The following AKAP11 variants were observed in gnomAD, a reference collection of about 807,000 sequenced individuals.
AKAP11 encodes the protein A-kinase anchor protein 11.
In AKAP11, 36 loss-of-function variants were observed where a neutral mutation model predicts 146.1. The ratio of observed to expected loss-of-function variants is 0.25; its 90% CI spans 0.19 to 0.33. The LOEUF is 0.33. AKAP11 is among the 10% of genes least tolerant of loss of function. The probability of loss-of-function intolerance (pLI) is 1.00; values close to 1 mark genes in which losing one functional copy is unlikely to be tolerated. For synonymous variants in AKAP11, 780 were observed against 786.5 expected, an observed-to-expected ratio of 0.99 and a Z score of 0.14; for missense variants, 2,201 against 2,197.0, an observed-to-expected ratio of 1.00 and a Z score of -0.04.
rs1960075446 is a variant in AKAP11, at chr13:42,303,473, C to T, written c.4727C>T (p.Ala1576Val). 1 of 1,614,176 alleles carries T rather than the reference C, an allele frequency of 6.2e-7. No homozygotes were observed. The highest frequency in any genetic ancestry group is 8.5e-7 in the Non-Finnish European group (1 of 1,180,018). Residue 1576 changes from alanine to valine, a missense_variant, in exon 8 of 13, where the codon GCA (alanine) becomes GTA (valine). Physicochemically the swap from Ala to Val is moderately conservative, Grantham distance 64. Coordinates refer to ENST00000025301, the MANE Select transcript of AKAP11 (RefSeq NM_016248.4). ...AAATCAGCAGACAGGGTCACTTATG[C>T]AGAAAAGTTGTCACCTCTTACAGGT... ...TTKSADRVTY[A>V]EKLSPLTGQA...
chr13:42,300,660 A>G lies in AKAP11; in HGVS notation c.1914A>G (p.Ile638Met), dbSNP rs747211037. Reference sequence around the variant, plus strand: ...ATTTACAGTATGTAAAGAAGCAGATATTCACAAACACAGTTGCTAGGTTTG... The same window carrying G: ...ATTTACAGTATGTAAAGAAGCAGATGTTCACAAACACAGTTGCTAGGTTTG... Reference protein sequence around the residue: ...LKDLQYVKKQIFTNTVARFAA... With the variant: ...LKDLQYVKKQMFTNTVARFAA... The change falls in exon 8 of 13, where the codon ATA becomes ATG. Residue 638 changes from isoleucine (I) to methionine (M), a missense_variant. Coordinates refer to ENST00000025301, the MANE Select transcript of AKAP11 (RefSeq NM_016248.4). The G allele has an allele frequency of 9.3e-6, 15 of 1,614,020 alleles. No homozygotes were observed. The South Asian group carries it at 9.9e-5, about 11-fold the overall frequency.
At position 42,303,676 on chromosome 13, in the gene AKAP11, C is replaced by G; in HGVS notation, c.4930C>G (p.Leu1644Val). The G allele has an allele frequency of 6.2e-7, 1 of 1,614,140 alleles. No homozygotes were observed. The highest frequency in any genetic ancestry group is 8.5e-7 in the Non-Finnish European group (1 of 1,180,006). ...CAGTGTCCCTCAGATTCATGTTAAT[C>G]TTGATAAGAAGGCAGTGCTTGCTGA... The part of the protein sequence containing the change: ...HLSVPQIHVN[L>V]DKKAVLAEKI... The change falls in exon 8 of 13, where the codon CTT (leucine) becomes GTT (valine). Residue 1644 changes from leucine (L) to valine (V), a missense_variant. By Grantham distance (32) the Leu-to-Val change is conservative (BLOSUM62 1). Around this residue, in one of 3 missense-constraint regions of AKAP11, gnomAD observed 1,867 missense variants for 1,833.5 expected, o/e 1.02. Transcript: ENST00000025301.
chr13:42,311,439 A>T (rs570223477), intron 9 of AKAP11, among the ~76,000 whole-genome samples: 6 of 152,268 alleles, frequency 3.9e-5, no homozygotes, highest in African/African-American at 1.4e-4. Flanking sequence ...TGAGGTCTTT[A>T]AAAAAGTGTC....
rs1961074907 is a variant in AKAP11 at position 42,321,255 on chromosome 13, A to C, written c.*2027A>C. ...GTTCTGAATTTCTTTTAAAGTGATGATATATTATTTTGTGAAACTTTGTGT... is the reference window on the plus strand; with the variant it reads ...GTTCTGAATTTCTTTTAAAGTGATGCTATATTATTTTGTGAAACTTTGTGT... On this transcript the variant is annotated 3_prime_UTR_variant, in exon 13 of 13. Coordinates refer to ENST00000025301, the MANE Select transcript of AKAP11 (RefSeq NM_016248.4). 1 of 152,340 alleles carries C rather than the reference A, an allele frequency of 6.6e-6. No individual in the cohort carries two copies. The highest frequency in any genetic ancestry group is 1.5e-5 in the Non-Finnish European group (1 of 68,030). 9.4% of individuals were successfully genotyped at this position (152,340 alleles called of 1,614,324 possible).
Position 42,302,453 on chromosome 13 carries a change from A to G in AKAP11, c.3707A>G (p.Gln1236Arg). Residue 1236 changes from glutamine (Q) to arginine (R), a missense_variant, in exon 8 of 13, where the codon CAA becomes CGA. Gln to Arg is a conservative substitution (Grantham distance 43, BLOSUM62 1). Coordinates refer to ENST00000025301, the MANE Select transcript of AKAP11 (RefSeq NM_016248.4). The stretch of plus-strand genomic sequence containing the variant: ...GTTAAAAACCCTTGCTTAAATGTGC[A>G]AAGTCAAAGAAGTGTGTCGCCTACT... ...PKVKNPCLNV[Q>R]SQRSVSPTFL... The G allele has an allele frequency of 1.9e-6, 3 of 1,614,222 alleles. No individual in the cohort carries two copies. Among genetic ancestry groups the G allele is most frequent in the Non-Finnish European group, 2.5e-6 (3 of 1,180,026 alleles).
intron 4 of AKAP11, among the ~76,000 whole-genome samples, chr13:42,294,548 A>G (rs897998818): frequency 3.9e-5 from 6 of 151,956 alleles, no homozygotes; most frequent in African/African-American, 1.5e-4. Flanking sequence ...GACTATAGGC[A>G]TGCACCACCA....
intron 1 of AKAP11, among the ~76,000 whole-genome samples, 173 bp downstream of exon 1, chr13:42,272,401 A>AGGGAGGAGGGC (rs1299596702): frequency 1.3e-5 from 2 of 151,954 alleles, no homozygotes; most frequent in African/African-American, 2.4e-5. Flanking sequence ...CGCATGGCGG[A>AGGGAGGAGGGC]GGGAGGAGGG....
intron 9 of AKAP11, among the ~76,000 whole-genome samples, chr13:42,312,830 A>G (rs1055314336): frequency 6.6e-6 from 1 of 152,200 alleles, no homozygotes; most frequent in Admixed American, 6.5e-5. Context: ...AATTTTCATG[A>G]TCTGTTGAGA....
At chr13:42,307,947 T>C (rs1477377024) in intron 8 of AKAP11, among the ~76,000 whole-genome samples, 2 of 152,180 alleles carry the variant, frequency 1.3e-5, no homozygotes, top group Admixed American at 6.5e-5. Context: ...ATGCCTCTTA[T>C]TGAGAAAAAT....
In AKAP11 at chr13:42,299,872, A is replaced by G. The variant is rs1395621836; in HGVS notation, c.1126A>G (p.Lys376Glu). The change falls in exon 8 of 13, where the codon AAA (lysine) becomes GAA (glutamate). Residue 376 changes from lysine (K) to glutamate (E), a missense_variant. Lys to Glu is a moderately conservative substitution (Grantham distance 56). Around this residue, in one of 3 missense-constraint regions of AKAP11, gnomAD observed 1,867 missense variants for 1,833.5 expected, o/e 1.02. Coordinates refer to ENST00000025301, the MANE Select transcript of AKAP11 (RefSeq NM_016248.4). ...EQTLETCLFN[K>E]DPVIGKSSQR... Reference sequence around the variant, plus strand: ...AACTTTAGAGACTTGCCTGTTTAACAAAGATCCCGTCATAGGGAAGTCATC... The same window carrying G: ...AACTTTAGAGACTTGCCTGTTTAACGAAGATCCCGTCATAGGGAAGTCATC... 6.2e-7 allele frequency: 1 copy of G among 1,613,800 alleles called. No homozygotes were observed. The highest frequency in any genetic ancestry group is 8.5e-7 in the Non-Finnish European group (1 of 1,179,888).
chr13:42,273,690 A>G (rs902061786), intron 1 of AKAP11, among the ~76,000 whole-genome samples: 3 of 152,200 alleles, frequency 2.0e-5, no homozygotes, highest in African/African-American at 7.2e-5. Flanking sequence ...CCATAGTGAG[A>G]AATTCTCTAG....
intron 11 of AKAP11, among the ~76,000 whole-genome samples, chr13:42,314,588 A>G (rs1960728791): frequency 6.6e-6 from 1 of 152,148 alleles, no homozygotes; most frequent in Non-Finnish European, 1.5e-5. Flanking sequence ...ATAATTTATT[A>G]TAACTATGGC....
chr13:42,285,136 G>A (rs772437195), intron 1 of AKAP11, among the ~76,000 whole-genome samples: 35 of 152,266 alleles, frequency 2.3e-4, no homozygotes, highest in Non-Finnish European at 3.7e-4. Flanking sequence ...TTGTTTTTGC[G>A]TATAAATCTC....
intron 11 of AKAP11, 37 bp from the exon 12 acceptor site, chr13:42,317,491 T>C: frequency 6.4e-7 from 1 of 1,569,568 alleles, no homozygotes; most frequent in Admixed American, 1.9e-5. Flanking sequence ...GTTAAATTGA[T>C]GAGTTTTACT....
chr13:42,313,926 A>C lies in AKAP11; in HGVS notation c.5390A>C (p.Glu1797Ala). 6.2e-7 allele frequency: 1 copy of C among 1,613,778 alleles called. No individual in the cohort carries two copies. Among genetic ancestry groups the C allele is most frequent in the Non-Finnish European group, 8.5e-7 (1 of 1,179,758 alleles). Residue 1797 changes from glutamate to alanine, a missense_variant, in exon 11 of 13, where the codon GAG becomes GCG. Transcript: ENST00000025301. ...CCAGATGATAAAGATGAAGAGCATG[A>C]GGACGAAGTAGAAGGTAATTTGATT... is the stretch of plus-strand genomic sequence containing the variant. Reference protein sequence around the residue: ...DGPDDKDEEHEDEVEGLGQDG... With the variant: ...DGPDDKDEEHADEVEGLGQDG...
intron 11 of AKAP11, among the ~76,000 whole-genome samples, chr13:42,315,725 T>C (rs1049769951): frequency 6.6e-6 from 1 of 152,224 alleles, no homozygotes; most frequent in African/African-American, 2.4e-5. Context: ...TTTGAGATTA[T>C]AGGTATTTCT....
At chr13:42,291,276 G>A (rs867526981) in intron 3 of AKAP11, among the ~76,000 whole-genome samples, 3 of 152,018 alleles carry the variant, frequency 2.0e-5, no homozygotes, top group Admixed American at 6.6e-5. Flanking sequence ...TTTTCGAGAC[G>A]GAATCTCACT....
At chr13:42,292,294 A>G in intron 3 of AKAP11, 91 bp from the exon 4 acceptor site, 1 of 642,562 alleles carries the variant, frequency 1.6e-6, no homozygotes, top group South Asian at 3.1e-5. Context: ...TAGTTAGAGA[A>G]TGAGTGACTA....
At chr13:42,291,985 C>T (rs1959229404) in intron 3 of AKAP11, among the ~76,000 whole-genome samples, 1 of 152,198 alleles carries the variant, frequency 6.6e-6, no homozygotes, top group South Asian at 2.1e-4. Context: ...GGAGTAATCA[C>T]TGTTGTGCAC....
Sources: gnomAD v4.1 joint callset for allele counts (sites outside exome capture counted in the v4.1 genomes callset) on GRCh38, gnomAD v4.1.1 for gene constraint, gnomAD v4.1.1 regional missense constraint, MANE v1.5 for transcripts, NCBI Gene and HGNC (gene_info 2026-07-23, HGNC 2026-07-21) for gene names.